Variants in COL11A1 observed in about 807,000 individuals in gnomAD.
The protein encoded by COL11A1 is collagen type XI alpha 1 chain.
Under a neutral mutation model 265.2 loss-of-function variants are expected in COL11A1, and 74 were observed. The ratio of observed to expected loss-of-function variants is 0.28; its 90% confidence interval spans 0.23 to 0.34. The LOEUF (loss-of-function observed/expected upper bound fraction) is 0.34. COL11A1 is among the 10% of genes least tolerant of loss of function. COL11A1 has a pLI of 1.00. For missense variants in COL11A1, 2,165 were observed against 2,263.6 expected (o/e 0.96, Z 0.88); for synonymous variants, 816 against 727.6 (o/e 1.12, Z -1.96).
In COL11A1 at chr1:103,032,860, TA is replaced by T. The variant is rs558184886; in HGVS notation, c.652-1617del. 4.1e-3 allele frequency among the ~76,000 whole-genome samples: 618 copies of T among 152,274 alleles called. 3 individuals are homozygous for T. Among genetic ancestry groups the T allele is most frequent in the African/African-American group, 0.014 (584 of 41,574 alleles). On this transcript the variant is annotated intron_variant, in intron 4 of 66. Transcript: ENST00000370096. ...TTGAGCTGTTCACACCGTTCACATA[TA>T]AAATCAATTATAATGGATTTAATTA...
At chr1:102,905,876 A>G (rs762331380) in intron 54 of COL11A1, among the ~76,000 whole-genome samples, 4 of 152,178 alleles carry the variant, frequency 2.6e-5, no homozygotes, top group Non-Finnish European at 5.9e-5. Context: ...TTAGTTCAGT[A>G]TTGGTCACTG....
At chr1:102,983,567 G>A (rs1451264835) in intron 31 of COL11A1, among the ~76,000 whole-genome samples, 1 of 152,064 alleles carries the variant, frequency 6.6e-6, no homozygotes, top group Non-Finnish European at 1.5e-5. Flanking sequence ...CAGAAGCTGG[G>A]AGAGGCAAGG....
chr1:102,946,218 C>A (rs1219315683), intron 42 of COL11A1, among the ~76,000 whole-genome samples: 3 of 144,730 alleles, frequency 2.1e-5, no homozygotes, highest in Non-Finnish European at 4.5e-5. Flanking sequence ...AGGAGATATA[C>A]CTAATGCTAA....
intron 4 of COL11A1, among the ~76,000 whole-genome samples, chr1:103,057,068 A>G (rs187710861): frequency 3.3e-5 from 5 of 152,244 alleles, no homozygotes; most frequent in African/African-American, 1.2e-4. Flanking sequence ...TTCCTTTCAT[A>G]AAAGATTTCT....
chr1:103,062,831 G>T (rs1195486394), intron 4 of COL11A1, among the ~76,000 whole-genome samples: 5 of 151,846 alleles, frequency 3.3e-5, no homozygotes, highest in Non-Finnish European at 7.4e-5. Context: ...TTACATAATT[G>T]TCTAGGTAAA....
At chr1:103,050,549 TC>T in intron 4 of COL11A1, among the ~76,000 whole-genome samples, 1 of 152,324 alleles carries the variant, frequency 6.6e-6, no homozygotes, top group East Asian at 1.9e-4. Context: ...GGTTCGAACT[TC>T]CTCCTGTGGC....
chr1:102,921,370 A>G, intron 48 of COL11A1, 148 bp downstream of exon 48: 1 of 602,808 alleles, frequency 1.7e-6, no homozygotes, highest in Non-Finnish European at 3.0e-6. Flanking sequence ...TGTATAATAA[A>G]GTGGAGTGAA....
At chr1:102,906,518 C>A (rs958562908) in intron 54 of COL11A1, among the ~76,000 whole-genome samples, 2 of 152,046 alleles carry the variant, frequency 1.3e-5, no homozygotes, top group South Asian at 2.1e-4. Flanking sequence ...TGCAATCCTC[C>A]CACCTCAGCC....
intron 41 of COL11A1, among the ~76,000 whole-genome samples, chr1:102,956,919 A>C (rs1435753152): frequency 6.6e-6 from 1 of 151,840 alleles, no homozygotes; most frequent in Non-Finnish European, 1.5e-5. Flanking sequence ...AAAAAATTTT[A>C]AATATTCTAT....
intron 41 of COL11A1, chr1:102,961,661 G>A (rs1277249280): frequency 1.5e-5 from 8 of 541,394 alleles, no homozygotes; most frequent in Non-Finnish European, 1.7e-5. Context: ...GACAGCAGCA[G>A]AAGCAAATAT....
chr1:102,923,940 G>C (rs1480583724), intron 46 of COL11A1, among the ~76,000 whole-genome samples: 3 of 151,912 alleles, frequency 2.0e-5, no homozygotes, highest in African/African-American at 7.3e-5. Flanking sequence ...CGGGCGCAGT[G>C]GCTCACGGCT....
At chr1:102,978,671 AT>A in intron 35 of COL11A1, 36 bp downstream of exon 35, 1 of 1,604,244 alleles carries the variant, frequency 6.2e-7, no homozygotes, top group Non-Finnish European at 8.5e-7. Flanking sequence ...AGAAATACTA[AT>A]TTTCATTTTA....
chr1:103,003,770 A>G (rs962869763), intron 20 of COL11A1, among the ~76,000 whole-genome samples: 3 of 152,124 alleles, frequency 2.0e-5, no homozygotes, highest in Non-Finnish European at 4.4e-5. Context: ...GGTTTCTTAA[A>G]TTATTATTAT....
chr1:102,912,591 A>T (rs1245062272), intron 53 of COL11A1, among the ~76,000 whole-genome samples: 3 of 152,194 alleles, frequency 2.0e-5, no homozygotes, highest in Non-Finnish European at 2.9e-5. Flanking sequence ...TTACTTTTAA[A>T]TTTATTTTTG....
At chr1:103,085,159 T>C (rs1672750459) in intron 1 of COL11A1, among the ~76,000 whole-genome samples, 1 of 152,220 alleles carries the variant, frequency 6.6e-6, no homozygotes, top group Non-Finnish European at 1.5e-5. Flanking sequence ...CTGAGTGCTT[T>C]TGTACTGCAT....
chr1:102,965,578 A>T (rs1318928377), intron 37 of COL11A1, 38 bp from the exon 38 acceptor site: 3 of 1,558,498 alleles, frequency 1.9e-6, no homozygotes, highest in Middle Eastern at 1.7e-4. Context: ...AGCTACATAC[A>T]ACACAAAGCA....
intron 4 of COL11A1, among the ~76,000 whole-genome samples, chr1:103,035,056 T>A (rs34408616): frequency 0.081 from 12,300 of 152,162 alleles, 561 homozygotes; most frequent in Middle Eastern, 0.16. Context: ...AGACTTTCTG[T>A]GTGCCTTGGC....
chr1:103,009,283 G>A (rs780091155), intron 14 of COL11A1, among the ~76,000 whole-genome samples: 2 of 152,076 alleles, frequency 1.3e-5, no homozygotes, highest in East Asian at 1.9e-4. Flanking sequence ...GCATGGCATC[G>A]GGTGCCTGTA....
At position 103,108,228 on chromosome 1, in the gene COL11A1, T is replaced by C. The variant is rs369810404; in HGVS notation, c.-50A>G. ...TGAACTCAACCCACGAAATTGCGAC[T>C]GCAGACCAACTTCGTCCTTTCCAAG... On this transcript the variant is annotated 5_prime_UTR_variant, in exon 1 of 67. Coordinates refer to ENST00000370096, the MANE Select transcript of COL11A1 (RefSeq NM_001854.4). The C allele has an allele frequency of 3.3e-4, 474 of 1,442,414 alleles. No homozygotes were observed. Among genetic ancestry groups the C allele is most frequent in the Middle Eastern group, 6.2e-4 (3 of 4,844 alleles). 89.4% of individuals were successfully genotyped at this position (1,442,414 alleles called of 1,614,324 possible).
Sources: allele counts gnomAD v4.1 joint callset (sites outside exome capture counted in the v4.1 genomes callset), GRCh38; gene constraint gnomAD v4.1.1; transcripts MANE v1.5; gene names NCBI Gene and HGNC (gene_info 2026-07-23, HGNC 2026-07-21).